The following TRPM3 variants were observed in gnomAD, a reference collection of about 807,000 sequenced individuals.
TRPM3 encodes the protein long transient receptor potential channel 3.
A neutral mutation model predicts 181.2 loss-of-function variants in TRPM3; 77 were observed. That is an observed-to-expected ratio of 0.42 (90% confidence interval 0.35 to 0.51). The LOEUF (loss-of-function observed/expected upper bound fraction) is 0.51, where lower values mean the gene tolerates loss of function less well. TRPM3 is among the 20% of genes least tolerant of loss of function. The pLI, the probability that TRPM3 is intolerant of heterozygous loss-of-function variation, is 0.01. For missense variants in TRPM3, 1,759 were observed against 2,196.7 expected (o/e 0.80, Z 3.98); for synonymous variants, 745 against 796.4 (o/e 0.94, Z 1.09).
Position 70,533,105 on chromosome 9 carries a change from G to A in TRPM3, c.*2848C>T, listed in dbSNP as rs1180059750. The stretch of plus-strand genomic sequence containing the variant: ...CAACAAAAGAATCAGGTAATTGCAA[G>A]ATCAGGACTGTTGAGTATTTCGTTT... On this transcript the variant is annotated 3_prime_UTR_variant, in exon 26 of 26. Transcript: ENST00000677713. 4.6e-5 allele frequency: 7 copies of A among 152,170 alleles called. No homozygotes were observed. The allele number at this position is 152,170 out of a possible 1,614,324, so 9.4% of individuals were successfully genotyped here. A position where few individuals can be genotyped will look rare whatever the true frequency, so the allele number is the denominator to read the frequency against.
At chr9:71,351,349 G>A (rs959642768) in intron 1 of TRPM3, among the ~76,000 whole-genome samples, 6 of 152,120 alleles carry the variant, frequency 3.9e-5, no homozygotes, top group African/African-American at 1.4e-4. Context: ...CAAATTTAGC[G>A]ATTGTTGCAA....
At chr9:70,743,242 T>C (rs761242886) in intron 8 of TRPM3, among the ~76,000 whole-genome samples, 1 of 152,168 alleles carries the variant, frequency 6.6e-6, no homozygotes, top group East Asian at 1.9e-4. Flanking sequence ...GAACTGAAAC[T>C]TAATTCTGAA....
At chr9:71,426,739 G>T (rs570105036) in intron 1 of TRPM3, among the ~76,000 whole-genome samples, 2 of 151,794 alleles carry the variant, frequency 1.3e-5, no homozygotes, top group Admixed American at 6.6e-5. Context: ...CTATTAGCTC[G>T]GCATCTCAGA....
At chr9:70,857,175 C>T (rs1032798396) in intron 3 of TRPM3, among the ~76,000 whole-genome samples, 1 of 152,150 alleles carries the variant, frequency 6.6e-6, no homozygotes. Flanking sequence ...TCTGAGTGAA[C>T]TGCAGGGTCT....
intron 22 of TRPM3, among the ~76,000 whole-genome samples, chr9:70,565,887 G>A (rs2050465283): frequency 6.6e-6 from 1 of 152,144 alleles, no homozygotes; most frequent in Non-Finnish European, 1.5e-5. Flanking sequence ...TCATTTCTAA[G>A]CCTGACCTAA....
intron 3 of TRPM3, among the ~76,000 whole-genome samples, chr9:70,848,064 T>C (rs1010644539): frequency 7.2e-5 from 11 of 152,104 alleles, no homozygotes; most frequent in Non-Finnish European, 1.3e-4. Flanking sequence ...CTCAAAGTCA[T>C]TGAAATGATA....
At chr9:70,740,253 A>T (rs1354952619) in intron 8 of TRPM3, among the ~76,000 whole-genome samples, 1 of 152,218 alleles carries the variant, frequency 6.6e-6, no homozygotes, top group Non-Finnish European at 1.5e-5. Flanking sequence ...ACTTAGGAAT[A>T]TACCTAATCA....
chr9:70,610,683 G>A lies in TRPM3; in HGVS notation c.2593C>T (p.His865Tyr), dbSNP rs1336661740. ...TTTCTGCCGAGGGGGATTAACCGGT[G>A]CTTGCTCTGAACTTCCTCTTCATCC... ...KKDEEEVQSKHRLIPLGRKIY... is the reference protein window; with the variant it reads ...KKDEEEVQSKYRLIPLGRKIY... The change falls in exon 19 of 26, where the codon CAC becomes TAC. Residue 865 changes from histidine to tyrosine, a missense_variant. Transcript: ENST00000677713. The A allele has an allele frequency of 1.2e-6, 2 of 1,614,192 alleles. No individual in the cohort carries two copies. The highest frequency in any genetic ancestry group is 1.7e-6 in the Non-Finnish European group (2 of 1,180,016).
At chr9:71,279,346 G>A (rs2084513320) in intron 1 of TRPM3, among the ~76,000 whole-genome samples, 1 of 152,158 alleles carries the variant, frequency 6.6e-6, no homozygotes, top group South Asian at 2.1e-4. Flanking sequence ...GAGCTCAAAG[G>A]TGTGTTGGCT....
Position 71,121,089 on chromosome 9 carries a change from C to G in TRPM3, c.177+89G>C, listed in dbSNP as rs562520606. ...AGTACTGCATGCATTTAGGCTCCCC[C>G]AAAGGTGCGTCCCAGCCCAAGTCCC... On this transcript the variant is annotated intron_variant, in intron 1 of 25. Transcript: ENST00000677713. 4.4e-6 allele frequency: 6 copies of G among 1,373,102 alleles called. 1 individual carries two copies. Among genetic ancestry groups the G allele is most frequent in the South Asian group, 2.7e-5 (2 of 74,286 alleles). 85.1% of individuals were successfully genotyped at this position (1,373,102 alleles called of 1,614,324 possible).
chr9:71,418,798 G>T (rs2093677916), intron 1 of TRPM3, among the ~76,000 whole-genome samples: 2 of 78,700 alleles, frequency 2.5e-5, no homozygotes, highest in Non-Finnish European at 2.5e-5. Flanking sequence ...CATCCTTTGA[G>T]ATACTATATA....
At chr9:70,648,762 A>T (rs1014909963) in intron 9 of TRPM3, among the ~76,000 whole-genome samples, 39 of 152,212 alleles carry the variant, frequency 2.6e-4, no homozygotes, top group Non-Finnish European at 4.4e-4. Flanking sequence ...TCTATTCAGT[A>T]AATGGAGCTG....
At chr9:71,111,713 G>A (rs1325124850) in intron 1 of TRPM3, among the ~76,000 whole-genome samples, 1 of 152,060 alleles carries the variant, frequency 6.6e-6, no homozygotes. Context: ...CTTTATTTGT[G>A]GACTAGCACA....
rs141208082 is a variant in TRPM3, at chr9:70,576,670, G to A, written c.3223+14361C>T. Among the ~76,000 whole-genome samples the A allele has an allele frequency of 4.1e-3, 623 of 151,860 alleles. 3 individuals carry two copies. The highest frequency in any genetic ancestry group is 0.014 in the African/African-American group (592 of 41,400). The stretch of plus-strand genomic sequence containing the variant: ...GCTGGGATTATAGGCACCCGCCACC[G>A]TGCCCGGCTAATTTTTGTATTTTTA... On this transcript the variant is annotated intron_variant, in intron 22 of 25. Transcript: ENST00000677713.
At chr9:70,801,007 T>C (rs184292404) in intron 6 of TRPM3, among the ~76,000 whole-genome samples, 10 of 152,310 alleles carry the variant, frequency 6.6e-5, no homozygotes, top group Non-Finnish European at 1.3e-4. Flanking sequence ...AAATCTACAG[T>C]CTGAATTCTT....
At chr9:71,178,055 AT>A (rs932268336) in intron 1 of TRPM3, among the ~76,000 whole-genome samples, 1 of 151,708 alleles carries the variant, frequency 6.6e-6, no homozygotes, top group Non-Finnish European at 1.5e-5. Flanking sequence ...AGGTTTTAGG[AT>A]TTTTTTTCCT....
chr9:70,897,592 A>G (rs577838629), intron 1 of TRPM3, among the ~76,000 whole-genome samples: 10 of 152,258 alleles, frequency 6.6e-5, no homozygotes, highest in African/African-American at 2.2e-4. Context: ...TGAGTTTTGA[A>G]GAGAAAATTG....
In TRPM3 at chr9:71,437,312, C is replaced by G. The variant is rs193258154; in HGVS notation, c.183+9341G>C. Among the ~76,000 whole-genome samples the G allele has an allele frequency of 5.8e-4, 89 of 152,234 alleles. 1 individual carries two copies. The East Asian group carries it at 0.011, about 19-fold the overall frequency. On this transcript the variant is annotated intron_variant, in intron 1 of 24. Coordinates refer to the TRPM3 transcript ENST00000357533. Reference sequence around the variant, plus strand: ...ATAAAATAATGGATCTTGGCAAACTCCAAATAAAGGCCAGATCCATTCCAT... The same window carrying G: ...ATAAAATAATGGATCTTGGCAAACTGCAAATAAAGGCCAGATCCATTCCAT...
chr9:71,349,431 C>A (rs1435826505), intron 1 of TRPM3, among the ~76,000 whole-genome samples: 1 of 152,184 alleles, frequency 6.6e-6, no homozygotes, highest in African/African-American at 2.4e-5. Context: ...GATTAAGACT[C>A]ACAGAGCAAT....
Sources: gnomAD v4.1 joint callset for allele counts (sites outside exome capture counted in the v4.1 genomes callset) on GRCh38, gnomAD v4.1.1 for gene constraint, MANE v1.5 for transcripts, NCBI Gene and HGNC (gene_info 2026-07-23, HGNC 2026-07-21) for gene names.